The following ULK4 variants were observed in gnomAD, a reference collection of about 807,000 sequenced individuals.
ULK4 encodes the protein unc-51 like kinase 4.
Under a neutral mutation model 160.6 loss-of-function variants are expected in ULK4, and 133 were observed. That is an observed-to-expected ratio of 0.83 (90% CI 0.72 to 0.96). The LOEUF (loss-of-function observed/expected upper bound fraction) is 0.96. ULK4 is among the 40% of genes least tolerant of loss of function. The probability of loss-of-function intolerance (pLI) is 0.00; values close to 1 mark genes in which losing one functional copy is unlikely to be tolerated. For missense variants in ULK4, 1,580 were observed against 1,499.5 expected (o/e 1.05, Z -0.89); for synonymous variants, 534 against 539.8 (o/e 0.99, Z 0.15).
intron 34 of ULK4, among the ~76,000 whole-genome samples, chr3:41,411,672 A>T (rs913114578): frequency 6.6e-6 from 1 of 152,124 alleles, no homozygotes; most frequent in South Asian, 2.1e-4. Context: ...ATCTCAGGTG[A>T]TCCACCTGCC....
In ULK4 at chr3:41,854,949, TAA is replaced by T. The variant is rs60582292; in HGVS notation, c.1657-18980_1657-18979del. 4.2e-3 allele frequency: 448 copies of T among 106,922 alleles called. 6 individuals carry two copies. Among genetic ancestry groups the T allele is most frequent in the African/African-American group, 0.013 (405 of 30,930 alleles). 6.6% of individuals were successfully genotyped at this position (106,922 alleles called of 1,614,324 possible). A position where few individuals can be genotyped will look rare whatever the true frequency, so the allele number is the denominator to read the frequency against. On this transcript the variant is annotated intron_variant, in intron 17 of 36. Coordinates refer to ENST00000301831, the MANE Select transcript of ULK4 (RefSeq NM_017886.4). The stretch of plus-strand genomic sequence containing the variant: ...TGGGCCTATACACCCATCCTTGGCT[TAA>T]AAAAAAAAAAAAAAAAAAAAAAAAC...
chr3:41,451,588 A>G (rs1172534466), intron 34 of ULK4, among the ~76,000 whole-genome samples: 2 of 152,104 alleles, frequency 1.3e-5, no homozygotes, highest in African/African-American at 4.8e-5. Context: ...CAGCAGAACC[A>G]GACATTCAGT....
intron 31 of ULK4, among the ~76,000 whole-genome samples, chr3:41,581,440 T>C (rs1220409842): frequency 6.6e-6 from 1 of 152,128 alleles, no homozygotes; most frequent in South Asian, 2.1e-4. Flanking sequence ...TATATACACA[T>C]AGATCTCCAA....
chr3:41,828,793 T>G (rs918268867), intron 18 of ULK4, among the ~76,000 whole-genome samples: 8 of 152,072 alleles, frequency 5.3e-5, no homozygotes, highest in Admixed American at 3.3e-4. Context: ...TAGAAAAAAC[T>G]ACTTTAAATT....
chr3:41,500,556 A>G (rs1328945653), intron 32 of ULK4, among the ~76,000 whole-genome samples: 1 of 152,132 alleles, frequency 6.6e-6, no homozygotes, highest in Non-Finnish European at 1.5e-5. Flanking sequence ...GAGTCCTCAA[A>G]TCCCTAGCAG....
In ULK4 at chr3:41,467,363, C is replaced by G. The variant is rs1001699396; in HGVS notation, c.3227-4110G>C. ...CCAACATGGTGAAAACCCATCTCTA[C>G]TAAAAGTACAAAAAATTAGCTGGGC... is the stretch of plus-strand genomic sequence containing the variant. On this transcript the variant is annotated intron_variant, in intron 32 of 36. Transcript: ENST00000301831. 3.9e-5 allele frequency among the ~76,000 whole-genome samples: 6 copies of G among 152,112 alleles called. No individual in the cohort carries two copies. The East Asian group carries it at 9.6e-4, about 24-fold the overall frequency.
Position 41,878,695 on chromosome 3 carries a change from AAG to A in ULK4, c.1656+5177_1656+5178del, listed in dbSNP as rs1553680737. On this transcript the variant is annotated intron_variant, in intron 17 of 36. Transcript: ENST00000301831. ...ACTGTTAAAAAAAAAAAAAAAAAAA[AAG>A]AGTGAGGAGTTCCTGACTCACAGAT... is the stretch of plus-strand genomic sequence containing the variant. Among the ~76,000 whole-genome samples, 160 of 151,018 alleles carry A rather than the reference AAG, an allele frequency of 1.1e-3. 1 individual carries two copies. The highest frequency in any genetic ancestry group is 3.0e-3 in the African/African-American group (121 of 41,012).
chr3:41,569,333 G>T (rs1026831482), intron 31 of ULK4, among the ~76,000 whole-genome samples: 12 of 152,058 alleles, frequency 7.9e-5, no homozygotes, highest in Non-Finnish European at 1.5e-4. Context: ...TCTTTCAGGT[G>T]ACAAGCCACC....
At chr3:41,476,528 CT>C (rs1428565812) in intron 32 of ULK4, among the ~76,000 whole-genome samples, 1 of 152,162 alleles carries the variant, frequency 6.6e-6, no homozygotes, top group East Asian at 1.9e-4. Flanking sequence ...GTGGCTCTTT[CT>C]GTCTTCATCT....
rs112005575 is a variant in ULK4, at chr3:41,796,984, C to G, written c.2010+3148G>C. ...CTTGAAGGGATCCCACTCGCCAAAT[C>G]TGGGATGATTAGAGCACCCAAACAA... On this transcript the variant is annotated intron_variant, in intron 20 of 36. Coordinates refer to ENST00000301831, the MANE Select transcript of ULK4 (RefSeq NM_017886.4). Among the ~76,000 whole-genome samples the G allele has an allele frequency of 4.2e-4, 64 of 152,262 alleles. No individual in the cohort carries two copies. The East Asian group carries it at 0.012, about 28-fold the overall frequency.
At chr3:41,488,290 C>T (rs562715825) in intron 32 of ULK4, among the ~76,000 whole-genome samples, 19 of 152,286 alleles carry the variant, frequency 1.2e-4, no homozygotes, top group Non-Finnish European at 2.4e-4. Flanking sequence ...TCATCCTCTA[C>T]AACCACTCAG....
chr3:41,883,532 G>C (rs545383726), intron 17 of ULK4, among the ~76,000 whole-genome samples: 1 of 152,306 alleles, frequency 6.6e-6, no homozygotes, highest in East Asian at 1.9e-4. Context: ...TTTGAATTTT[G>C]AATTGTAAGC....
At chr3:41,494,733 C>G (rs2084923205) in intron 32 of ULK4, among the ~76,000 whole-genome samples, 1 of 152,084 alleles carries the variant, frequency 6.6e-6, no homozygotes. Context: ...TCAGCAAAGT[C>G]TCAGGATACA....
intron 33 of ULK4, among the ~76,000 whole-genome samples, chr3:41,458,852 T>C (rs1055694075): frequency 6.6e-6 from 1 of 151,608 alleles, no homozygotes; most frequent in Non-Finnish European, 1.5e-5. Context: ...GCCTCCTGGG[T>C]TCAAGCAATT....
At chr3:41,469,224 G>A (rs2083909060) in intron 32 of ULK4, among the ~76,000 whole-genome samples, 1 of 152,096 alleles carries the variant, frequency 6.6e-6, no homozygotes, top group Non-Finnish European at 1.5e-5. Flanking sequence ...CTCACCTCAA[G>A]AGCCTGCCTA....
chr3:41,718,676 A>G (rs1420884564), intron 22 of ULK4, among the ~76,000 whole-genome samples: 1 of 152,146 alleles, frequency 6.6e-6, no homozygotes, highest in Non-Finnish European at 1.5e-5. Flanking sequence ...ACCATCATCC[A>G]TCTATCCATT....
At chr3:41,938,719 A>C (rs2148828050) in intron 2 of ULK4, among the ~76,000 whole-genome samples, 1 of 152,210 alleles carries the variant, frequency 6.6e-6, no homozygotes, top group African/African-American at 2.4e-5. Flanking sequence ...AAACTTGTGT[A>C]ATACTCTTAT....
chr3:41,821,576 T>A (rs2041147313), intron 18 of ULK4, among the ~76,000 whole-genome samples: 2 of 152,184 alleles, frequency 1.3e-5, no homozygotes, highest in African/African-American at 4.8e-5. Flanking sequence ...CCCATCCCCA[T>A]CCTCCCTTCT....
At chr3:41,431,894 A>G (rs916855656) in intron 34 of ULK4, among the ~76,000 whole-genome samples, 11 of 147,768 alleles carry the variant, frequency 7.4e-5, no homozygotes, top group Middle Eastern at 3.5e-3. Flanking sequence ...GGTTCACGCC[A>G]TTCTCCTGCC....
Sources: allele counts gnomAD v4.1 joint callset (sites outside exome capture counted in the v4.1 genomes callset), GRCh38; gene constraint gnomAD v4.1.1; transcripts MANE v1.5; gene names NCBI Gene and HGNC (gene_info 2026-07-23, HGNC 2026-07-21).